RORA: variants seen among roughly 807,000 people sequenced by gnomAD.
RORA encodes the protein nuclear receptor ROR-alpha.
In RORA, 7 loss-of-function variants were observed where a neutral mutation model predicts 69.5. That is an observed-to-expected ratio of 0.10 (90% CI 0.06 to 0.19). The LOEUF (loss-of-function observed/expected upper bound fraction) is 0.19. Among genes scored for constraint, RORA ranks in the 10% least tolerant of loss-of-function variants. RORA has a pLI of 1.00. For synonymous variants in RORA, 261 were observed against 240.8 expected, an observed-to-expected ratio of 1.08 and a Z score of -0.78; for missense variants, 457 against 663.0, an observed-to-expected ratio of 0.69 and a Z score of 3.41.
At chr15:60,808,306 GA>G (rs1480303298) in intron 1 of RORA, among the ~76,000 whole-genome samples, 3 of 151,892 alleles carry the variant, frequency 2.0e-5, no homozygotes, top group Admixed American at 2.0e-4. Context: ...CAAGCATATG[GA>G]AAAATGCTCA....
intron 1 of RORA, among the ~76,000 whole-genome samples, chr15:60,887,691 C>G (rs957605442): frequency 1.3e-5 from 2 of 152,138 alleles, no homozygotes; most frequent in Admixed American, 6.5e-5. Context: ...ATAACACACT[C>G]TCTTTGGCAC....
At chr15:60,548,745 C>T (rs1475988627) in intron 2 of RORA, among the ~76,000 whole-genome samples, 1 of 152,178 alleles carries the variant, frequency 6.6e-6, no homozygotes, top group African/African-American at 2.4e-5. Flanking sequence ...TCACACCATT[C>T]TCCTGCCTCA....
At chr15:61,200,666 G>C (rs530808722) in intron 1 of RORA, among the ~76,000 whole-genome samples, 12 of 152,288 alleles carry the variant, frequency 7.9e-5, no homozygotes, top group African/African-American at 2.9e-4. Flanking sequence ...TGACTCAGGA[G>C]GGCACAGGCT....
rs2080008428 is a variant in RORA at position 61,213,096 on chromosome 15, A to T, written c.166+15957T>A. 6.6e-6 allele frequency among the ~76,000 whole-genome samples: 1 copy of T among 151,850 alleles called. No individual in the cohort carries two copies. Among genetic ancestry groups the T allele is most frequent in the Admixed American group, 6.6e-5 (1 of 15,244 alleles). ...GGAACTTCCAACTCAGCCCATCCCA[A>T]ATTGAACCCATGCCTTCTCTCCTCT... On this transcript the variant is annotated intron_variant, in intron 1 of 10. Transcript: ENST00000335670. This position sits in a 1 kb window ranked among gnomAD's most constrained non-coding sequence, Gnocchi z 4.1.
intron 2 of RORA, among the ~76,000 whole-genome samples, chr15:60,571,071 A>G (rs1436875716): frequency 6.6e-6 from 1 of 151,916 alleles, no homozygotes; most frequent in Non-Finnish European, 1.5e-5. Context: ...GTGGCTTGTC[A>G]ACAGTAGTTT....
chr15:60,673,512 G>A (rs1013102484), intron 2 of RORA, among the ~76,000 whole-genome samples: 3 of 152,222 alleles, frequency 2.0e-5, no homozygotes, highest in African/African-American at 7.2e-5. Context: ...GTGGAGATGA[G>A]CAGCGGGGAT....
chr15:60,855,548 G>T (rs1455231028), intron 1 of RORA, among the ~76,000 whole-genome samples: 1 of 152,220 alleles, frequency 6.6e-6, no homozygotes, highest in African/African-American at 2.4e-5. Flanking sequence ...ATGTGACTCA[G>T]ATACCAGAGG....
At chr15:60,917,605 C>T (rs1057143047) in intron 1 of RORA, among the ~76,000 whole-genome samples, 1 of 152,188 alleles carries the variant, frequency 6.6e-6, no homozygotes, top group African/African-American at 2.4e-5. Context: ...AGGGAAACGT[C>T]GGCCGAGGGG....
chr15:60,654,614 C>T (rs188301269), intron 2 of RORA, among the ~76,000 whole-genome samples: 11 of 152,276 alleles, frequency 7.2e-5, no homozygotes, highest in African/African-American at 2.6e-4. Context: ...AGGGACTTTG[C>T]AGCTGTGATT....
intron 1 of RORA, among the ~76,000 whole-genome samples, chr15:61,215,031 A>AGT (rs1491564825): frequency 3.3e-4 from 27 of 80,610 alleles, no homozygotes; most frequent in Non-Finnish European, 5.5e-4. Flanking sequence ...CGCCCAGCTA[A>AGT]TTTTTTTTTT....
chr15:61,074,626 T>A (rs188689503), intron 1 of RORA, among the ~76,000 whole-genome samples: 2 of 152,154 alleles, frequency 1.3e-5, no homozygotes, highest in Middle Eastern at 3.2e-3. Flanking sequence ...GAATAATTTT[T>A]AAAAAATCAT....
intron 1 of RORA, among the ~76,000 whole-genome samples, chr15:61,087,575 T>G (rs2078643109): frequency 6.6e-6 from 1 of 152,236 alleles, no homozygotes; most frequent in South Asian, 2.1e-4. Flanking sequence ...AATTTCTGCA[T>G]GTGATTTCAG....
intron 1 of RORA, among the ~76,000 whole-genome samples, chr15:60,873,911 A>C (rs768890628): frequency 2.6e-5 from 4 of 152,236 alleles, no homozygotes; most frequent in Non-Finnish European, 4.4e-5. Flanking sequence ...GGGCAAATAC[A>C]GAATGCAAAG....
At chr15:61,184,126 T>C (rs1260409227) in intron 1 of RORA, among the ~76,000 whole-genome samples, 1 of 152,092 alleles carries the variant, frequency 6.6e-6, no homozygotes, top group Non-Finnish European at 1.5e-5. Context: ...CACAGATGAG[T>C]TCCACGCATT....
chr15:60,686,746 G>A (rs976654520), intron 1 of RORA: 1 of 152,260 alleles, frequency 6.6e-6, no homozygotes, highest in Non-Finnish European at 1.5e-5. Flanking sequence ...TGAACTGTCT[G>A]TGGGTGACTT....
intron 2 of RORA, among the ~76,000 whole-genome samples, chr15:60,613,086 A>G (rs905015714): frequency 4.6e-5 from 7 of 152,120 alleles, no homozygotes; most frequent in Non-Finnish European, 1.0e-4. Context: ...AAGTCAGTAA[A>G]ACAAATGTGT....
At chr15:60,671,362 A>G (rs970102832) in intron 2 of RORA, among the ~76,000 whole-genome samples, 1 of 152,124 alleles carries the variant, frequency 6.6e-6, no homozygotes, top group African/African-American at 2.4e-5. Context: ...CTAGAAGCAG[A>G]AGTAACCACT....
chr15:60,972,279 A>G (rs970040459), intron 1 of RORA, among the ~76,000 whole-genome samples: 2 of 152,232 alleles, frequency 1.3e-5, no homozygotes, highest in African/African-American at 2.4e-5. Context: ...ACAAGGAATA[A>G]TAATACCACT....
At chr15:61,079,966 A>T (rs1253885355) in intron 1 of RORA, among the ~76,000 whole-genome samples, 1 of 152,188 alleles carries the variant, frequency 6.6e-6, no homozygotes, top group Non-Finnish European at 1.5e-5. Flanking sequence ...TCATAATAGG[A>T]TGGGAAGAAG....
Sources: allele counts gnomAD v4.1 joint callset (sites outside exome capture counted in the v4.1 genomes callset), GRCh38; gene constraint gnomAD v4.1.1; non-coding constraint Gnocchi (gnomAD v3.1); transcripts MANE v1.5; gene names NCBI Gene and HGNC (gene_info 2026-07-23, HGNC 2026-07-21).